NOS1AP: variants seen among roughly 807,000 people sequenced by gnomAD.
The protein encoded by NOS1AP is nitric oxide synthase 1 adaptor protein.
Under a neutral mutation model 56.2 loss-of-function variants are expected in NOS1AP, and 21 were observed. The observed-to-expected ratio is 0.37, with a 90% CI of 0.26 to 0.54. The LOEUF is 0.54. NOS1AP is among the 20% of genes least tolerant of loss of function. The pLI, the probability that NOS1AP is intolerant of heterozygous loss-of-function variation, is 0.84. For missense variants in NOS1AP, 522 were observed against 657.8 expected (o/e 0.79, Z 2.26); for synonymous variants, 270 against 274.6 (o/e 0.98, Z 0.17).
At chr1:162,255,887 G>A (rs1196150347) in intron 2 of NOS1AP, among the ~76,000 whole-genome samples, 2 of 152,324 alleles carry the variant, frequency 1.3e-5, no homozygotes, top group Admixed American at 6.5e-5. Context: ...GCTTACGCCT[G>A]TAATCCCAGC....
intron 2 of NOS1AP, among the ~76,000 whole-genome samples, chr1:162,216,919 T>G (rs1298140981): frequency 1.3e-5 from 2 of 152,224 alleles, no homozygotes; most frequent in African/African-American, 4.8e-5. Context: ...TTAGATGAGT[T>G]AACACATATA....
chr1:162,108,150 A>C (rs189522545), intron 1 of NOS1AP, among the ~76,000 whole-genome samples: 50 of 152,348 alleles, frequency 3.3e-4, no homozygotes, highest in Non-Finnish European at 4.1e-4. Flanking sequence ...TCCTACAAAA[A>C]ATAACCAGGG....
At chr1:162,217,266 G>A (rs1387463389) in intron 2 of NOS1AP, among the ~76,000 whole-genome samples, 12 of 18,290 alleles carry the variant, frequency 6.6e-4, no homozygotes, top group Non-Finnish European at 1.5e-4. Flanking sequence ...GCTGTTGTTA[G>A]CTTTTTTTTT....
At chr1:162,283,619 C>T (rs997000261) in intron 2 of NOS1AP, among the ~76,000 whole-genome samples, 1 of 152,178 alleles carries the variant, frequency 6.6e-6, no homozygotes, top group African/African-American at 2.4e-5. Flanking sequence ...TCCCAGCTTC[C>T]CCTTCCTGGA....
At chr1:162,166,797 A>G (rs894169557) in intron 2 of NOS1AP, among the ~76,000 whole-genome samples, 11 of 152,182 alleles carry the variant, frequency 7.2e-5, no homozygotes, top group Non-Finnish European at 1.6e-4. Flanking sequence ...GGCCCATAGT[A>G]TATACCCAGT....
intron 4 of NOS1AP, among the ~76,000 whole-genome samples, chr1:162,329,656 TCA>T (rs1344459102): frequency 1.3e-5 from 2 of 152,078 alleles, no homozygotes; most frequent in African/African-American, 4.8e-5. Flanking sequence ...ACCCCCACAA[TCA>T]CAGTGCTTAA....
At chr1:162,279,210 A>G (rs192689252) in intron 2 of NOS1AP, among the ~76,000 whole-genome samples, 111 of 152,218 alleles carry the variant, frequency 7.3e-4, no homozygotes, top group African/African-American at 2.5e-3. Context: ...AGGCCCCTTA[A>G]TCATTTAGGT....
chr1:162,275,602 C>T (rs887593811), intron 2 of NOS1AP, among the ~76,000 whole-genome samples: 5 of 152,184 alleles, frequency 3.3e-5, no homozygotes, highest in Non-Finnish European at 7.3e-5. Context: ...CTTTAGATTT[C>T]CATCATAGTT....
intron 3 of NOS1AP, among the ~76,000 whole-genome samples, chr1:162,288,273 C>T (rs1394180970): frequency 6.6e-6 from 1 of 151,998 alleles, no homozygotes; most frequent in Non-Finnish European, 1.5e-5. Flanking sequence ...TTTATGATGC[C>T]TTTGTTTTAC....
intron 2 of NOS1AP, among the ~76,000 whole-genome samples, chr1:162,285,986 T>G (rs1292369238): frequency 6.6e-6 from 1 of 152,166 alleles, no homozygotes; most frequent in South Asian, 2.1e-4. Context: ...CAAGAATGTT[T>G]CTTGTGGAAA....
chr1:162,180,146 AG>A (rs1426677174), intron 2 of NOS1AP, among the ~76,000 whole-genome samples: 1 of 152,246 alleles, frequency 6.6e-6, no homozygotes. Context: ...CATCACTTAC[AG>A]AAACAATCCC....
At chr1:162,332,307 C>T (rs1335719102) in intron 4 of NOS1AP, among the ~76,000 whole-genome samples, 1 of 152,188 alleles carries the variant, frequency 6.6e-6, no homozygotes, top group African/African-American at 2.4e-5. Flanking sequence ...CCCCATCATG[C>T]TCCATCCCTT....
chr1:162,149,128 G>A (rs1649600785), intron 1 of NOS1AP, among the ~76,000 whole-genome samples: 1 of 152,176 alleles, frequency 6.6e-6, no homozygotes, highest in South Asian at 2.1e-4. Context: ...CATTGCCCTA[G>A]GAACGTGTGG....
intron 8 of NOS1AP, among the ~76,000 whole-genome samples, chr1:162,359,293 CT>C (rs778697685): frequency 7.2e-5 from 11 of 152,166 alleles, no homozygotes; most frequent in Non-Finnish European, 1.6e-4. Context: ...TGTGAGATGA[CT>C]TTAGGGAGAG....
chr1:162,177,463 G>A (rs929546041), intron 2 of NOS1AP, among the ~76,000 whole-genome samples: 11 of 152,058 alleles, frequency 7.2e-5, no homozygotes, highest in Admixed American at 2.6e-4. Context: ...GGTCAGCTGC[G>A]GAGTCTTTCA....
At chr1:162,218,108 G>T (rs1001258573) in intron 2 of NOS1AP, among the ~76,000 whole-genome samples, 2 of 152,106 alleles carry the variant, frequency 1.3e-5, no homozygotes, top group East Asian at 1.9e-4. Flanking sequence ...CTTCCTGGAG[G>T]CCCCACCTCT....
chr1:162,111,610 G>A (rs1307369853), intron 1 of NOS1AP, among the ~76,000 whole-genome samples: 2 of 152,114 alleles, frequency 1.3e-5, no homozygotes, highest in Non-Finnish European at 2.9e-5. Context: ...CGTCTTAAAC[G>A]GCATCAAGTA....
intron 2 of NOS1AP, among the ~76,000 whole-genome samples, chr1:162,250,816 C>T (rs1260036268): frequency 6.6e-6 from 1 of 152,138 alleles, no homozygotes; most frequent in Non-Finnish European, 1.5e-5. Flanking sequence ...TTCTTCCTCC[C>T]TCTTATCCCT....
chr1:162,357,418 G>C (rs1322719901), intron 8 of NOS1AP, among the ~76,000 whole-genome samples: 3 of 152,158 alleles, frequency 2.0e-5, no homozygotes, highest in Admixed American at 1.3e-4. Context: ...CTGACCAAGG[G>C]AAAAGATGCA....
Sources: allele counts gnomAD v4.1 joint callset (sites outside exome capture counted in the v4.1 genomes callset), GRCh38; gene constraint gnomAD v4.1.1; transcripts MANE v1.5; gene names NCBI Gene and HGNC (gene_info 2026-07-23, HGNC 2026-07-21).